AKAP13: variants seen among roughly 807,000 people sequenced by gnomAD.
AKAP13 encodes A-kinase anchoring protein 13, also known as A-kinase anchor protein 13.
Under a neutral mutation model 264.5 loss-of-function variants are expected in AKAP13, and 80 were observed. The ratio of observed to expected loss-of-function variants is 0.30; its 90% CI spans 0.25 to 0.36. AKAP13 has a LOEUF of 0.36. Among genes scored for constraint, AKAP13 ranks in the 10% least tolerant of loss-of-function variants. The probability of loss-of-function intolerance (pLI) is 1.00; values close to 1 mark genes in which losing one functional copy is unlikely to be tolerated. For missense variants in AKAP13, 3,712 were observed against 3,435.2 expected (o/e 1.08, Z -2.01); for synonymous variants, 1,380 against 1,250.2 (o/e 1.10, Z -2.19).
intron 6 of AKAP13, among the ~76,000 whole-genome samples, chr15:85,576,353 A>G (rs775016613): frequency 6.6e-6 from 1 of 152,228 alleles, no homozygotes; most frequent in Non-Finnish European, 1.5e-5. Flanking sequence ...TAGTGTTACT[A>G]TATTTAAATC....
At chr15:85,466,233 A>C (rs901684891) in intron 1 of AKAP13, among the ~76,000 whole-genome samples, 1 of 151,274 alleles carries the variant, frequency 6.6e-6, no homozygotes, top group Non-Finnish European at 1.5e-5. Context: ...GTTTGAGTTC[A>C]TTGTAGATTC....
chr15:85,669,137 G>A (rs2083771461), intron 13 of AKAP13, among the ~76,000 whole-genome samples: 2 of 152,198 alleles, frequency 1.3e-5, no homozygotes, highest in African/African-American at 4.8e-5. Flanking sequence ...TCAGGAGTCT[G>A]AGGCAGGAGA....
chr15:85,581,885 G>T lies in AKAP13; in HGVS notation c.3817G>T (p.Gly1273Trp). ...VKAAGALLTE[G>W]EACHMSLSSP... ...GGCCGCTGGAGCACTGCTTACTGAG[G>T]GGGAGGCCTGTCACATGTCACTGTC... Residue 1273 changes from glycine to tryptophan, a missense_variant, in exon 7 of 37, where the codon GGG becomes TGG. By Grantham distance (184) the Gly-to-Trp change is radical. This residue lies in a region of AKAP13 where 2,759 missense variants were observed against 2,411.7 expected (regional missense o/e 1.14). Coordinates refer to ENST00000394518, the MANE Select transcript of AKAP13 (RefSeq NM_007200.5). 6.2e-7 allele frequency: 1 copy of T among 1,614,174 alleles called. No individual in the cohort carries two copies. Among genetic ancestry groups the T allele is most frequent in the South Asian group, 1.1e-5 (1 of 91,084 alleles).
chr15:85,669,286 T>C (rs561957471), intron 13 of AKAP13, among the ~76,000 whole-genome samples: 31 of 152,350 alleles, frequency 2.0e-4, no homozygotes, highest in African/African-American at 7.2e-4. Context: ...ATTACTGATA[T>C]TCTACTATAT....
At chr15:85,556,310 G>A (rs564146642) in intron 5 of AKAP13, among the ~76,000 whole-genome samples, 1 of 152,146 alleles carries the variant, frequency 6.6e-6, no homozygotes, top group Non-Finnish European at 1.5e-5. Flanking sequence ...ATGACTGGCA[G>A]CACAGTAGGT....
At chr15:85,623,931 C>T (rs1309022680) in intron 8 of AKAP13, among the ~76,000 whole-genome samples, 1 of 152,256 alleles carries the variant, frequency 6.6e-6, no homozygotes, top group Non-Finnish European at 1.5e-5. Flanking sequence ...CCATTTTCCT[C>T]AGCATCCTTC....
At position 85,655,618 on chromosome 15, in the gene AKAP13, G is replaced by A; in HGVS notation, c.4576G>A (p.Glu1526Lys). 6.2e-7 allele frequency: 1 copy of A among 1,614,222 alleles called. No individual in the cohort carries two copies. The highest frequency in any genetic ancestry group is 1.6e-4 in the Middle Eastern group (1 of 6,062). Residue 1526 changes from glutamate to lysine, a missense_variant, in exon 11 of 37, where the codon GAG becomes AAG. Coordinates refer to ENST00000394518, the MANE Select transcript of AKAP13 (RefSeq NM_007200.5). Reference protein sequence around the residue: ...MGAEGRESESEPADPGDVEEE... With the variant: ...MGAEGRESESKPADPGDVEEE... ...AGCTGAGGGTCGAGAAAGTGAGAGT[G>A]AGCCTGCTGACCCAGGCGACGTGGA...
At chr15:85,476,094 A>G (rs1041010742) in intron 1 of AKAP13, among the ~76,000 whole-genome samples, 11 of 152,214 alleles carry the variant, frequency 7.2e-5, no homozygotes, top group Non-Finnish European at 1.3e-4. Context: ...AATCCTATTA[A>G]AATCAGCAAG....
chr15:85,561,126 C>T (rs192310459), intron 5 of AKAP13, among the ~76,000 whole-genome samples: 14 of 149,066 alleles, frequency 9.4e-5, no homozygotes, highest in East Asian at 2.0e-4. Context: ...GGCGCAATCT[C>T]GGCTCACTGC....
At position 85,579,846 on chromosome 15, in the gene AKAP13, C is replaced by T; in HGVS notation, c.1778C>T (p.Ala593Val). ...DQNSVVIPAA[A>V]KDKISDGLEP... ...AATTCTGTGGTGATTCCAGCTGCTG[C>T]AAAAGACAAGATTTCAGATGGATTA... The change falls in exon 7 of 37, where the codon GCA (alanine) becomes GTA (valine). Residue 593 changes from alanine to valine, a missense_variant. Coordinates refer to ENST00000394518, the MANE Select transcript of AKAP13 (RefSeq NM_007200.5). The T allele has an allele frequency of 6.2e-7, 1 of 1,614,158 alleles. No individual in the cohort carries two copies. The highest frequency in any genetic ancestry group is 8.5e-7 in the Non-Finnish European group (1 of 1,180,034).
intron 5 of AKAP13, among the ~76,000 whole-genome samples, chr15:85,546,452 A>G (rs1187125220): frequency 6.6e-6 from 1 of 152,174 alleles, no homozygotes; most frequent in Non-Finnish European, 1.5e-5. Flanking sequence ...TAAAAAGAAA[A>G]GATCATCTTT....
intron 1 of AKAP13, among the ~76,000 whole-genome samples, chr15:85,412,676 C>T (rs757215559): frequency 1.1e-4 from 16 of 152,180 alleles, no homozygotes; most frequent in Non-Finnish European, 1.6e-4. Context: ...GGAGGGAGCT[C>T]AGGCAACCAA....
chr15:85,658,514 A>C, intron 11 of AKAP13, 23 bp from the exon 12 acceptor site: 1 of 1,612,588 alleles, frequency 6.2e-7, no homozygotes, highest in Non-Finnish European at 8.5e-7. Context: ...TGCAACACTG[A>C]CCTCTTCACC....
At chr15:85,432,654 C>G (rs1384177255) in intron 1 of AKAP13, among the ~76,000 whole-genome samples, 12 of 152,134 alleles carry the variant, frequency 7.9e-5, no homozygotes, top group Admixed American at 4.6e-4. Flanking sequence ...AATTTTCATT[C>G]ACTTCGCAAA....
At chr15:85,683,173 A>T (rs1228007399) in intron 15 of AKAP13, among the ~76,000 whole-genome samples, 1 of 152,272 alleles carries the variant, frequency 6.6e-6, no homozygotes, top group African/African-American at 2.4e-5. Flanking sequence ...CACTGCTTTT[A>T]TAGCTTATTC....
rs11311086 is a variant in AKAP13 at position 85,561,051 on chromosome 15, A to AT, written c.663-14055dup. Among the ~76,000 whole-genome samples, 715 of 109,480 alleles carry AT rather than the reference A, an allele frequency of 6.5e-3. 4 individuals are homozygous for AT. The highest frequency in any genetic ancestry group is 7.4e-3 in the Non-Finnish European group (410 of 55,314). 71.8% of individuals were successfully genotyped at this position (109,480 alleles called of 152,430 possible). A position where few individuals can be genotyped will look rare whatever the true frequency, so the allele number is the denominator to read the frequency against. On this transcript the variant is annotated intron_variant, in intron 5 of 36. Coordinates refer to ENST00000394518, the MANE Select transcript of AKAP13 (RefSeq NM_007200.5). ...TGTGATATGCCATCTGGATGTAAGG[A>AT]TTTTTTTTTTTTTTTTTTTTTTTTT... is the stretch of plus-strand genomic sequence containing the variant.
intron 8 of AKAP13, chr15:85,627,836 T>C (rs1416711282): frequency 1.3e-5 from 2 of 152,264 alleles, no homozygotes; most frequent in African/African-American, 4.8e-5. Context: ...TGAAAGGCTA[T>C]GAAGTCCAGC....
At chr15:85,582,766 C>A in intron 7 of AKAP13, 1 of 563,088 alleles carries the variant, frequency 1.8e-6, no homozygotes, top group Non-Finnish European at 2.2e-6. Flanking sequence ...TGCTTTTGGG[C>A]AGCAGTCTGA....
At chr15:85,391,506 A>G (rs2070853729) in intron 1 of AKAP13, among the ~76,000 whole-genome samples, 1 of 148,080 alleles carries the variant, frequency 6.8e-6, no homozygotes, top group Non-Finnish European at 1.5e-5. Context: ...TTTTTTTAAG[A>G]CAGGGTCTCA....
Sources: allele counts gnomAD v4.1 joint callset (sites outside exome capture counted in the v4.1 genomes callset), GRCh38; gene constraint gnomAD v4.1.1; regional missense constraint gnomAD v4.1.1; transcripts MANE v1.5; gene names NCBI Gene and HGNC (gene_info 2026-07-23, HGNC 2026-07-21).